Variants in RIMS2 observed in about 807,000 individuals in gnomAD.
RIMS2 encodes the protein regulating synaptic membrane exocytosis protein 2.
Under a neutral mutation model 174.4 loss-of-function variants are expected in RIMS2, and 59 were observed. The observed-to-expected ratio is 0.34, with a 90% CI of 0.27 to 0.42. The LOEUF (loss-of-function observed/expected upper bound fraction) is 0.42, where lower values mean the gene tolerates loss of function less well. Among genes scored for constraint, RIMS2 ranks in the 10% least tolerant of loss-of-function variants. The probability of loss-of-function intolerance (pLI) is 1.00; values close to 1 mark genes in which losing one functional copy is unlikely to be tolerated. For missense variants in RIMS2, 1,620 were observed against 1,666.3 expected, an observed-to-expected ratio of 0.97 and a Z score of 0.48; for synonymous variants, 606 against 572.5, an observed-to-expected ratio of 1.06 and a Z score of -0.84.
intron 3 of RIMS2, among the ~76,000 whole-genome samples, chr8:103,803,183 A>G (rs529272716): frequency 6.6e-6 from 1 of 152,256 alleles, no homozygotes; most frequent in Non-Finnish European, 1.5e-5. Flanking sequence ...AGTTTTATAA[A>G]AATAATTATT....
At chr8:104,117,357 T>A (rs560544864) in intron 19 of RIMS2, among the ~76,000 whole-genome samples, 1 of 152,272 alleles carries the variant, frequency 6.6e-6, no homozygotes, top group Non-Finnish European at 1.5e-5. Context: ...CTTTAAAATT[T>A]ATATAAGAAT....
At chr8:104,050,589 GT>G (rs1351725580) in intron 19 of RIMS2, among the ~76,000 whole-genome samples, 3 of 152,082 alleles carry the variant, frequency 2.0e-5, no homozygotes, top group African/African-American at 7.2e-5. Context: ...GGGAATTAAA[GT>G]TTAGAAAAGG....
chr8:103,822,760 G>A (rs1239136456), intron 3 of RIMS2, among the ~76,000 whole-genome samples: 1 of 151,786 alleles, frequency 6.6e-6, no homozygotes, highest in African/African-American at 2.4e-5. Flanking sequence ...TTGATGAAAT[G>A]CCACTTTAGT....
At chr8:103,530,145 G>A (rs1211887537) in intron 1 of RIMS2, among the ~76,000 whole-genome samples, 2 of 152,182 alleles carry the variant, frequency 1.3e-5, no homozygotes, top group African/African-American at 2.4e-5. Context: ...TGTTGGGACA[G>A]TATAAATGGT....
chr8:103,987,780 C>A (rs1463928240), intron 16 of RIMS2, among the ~76,000 whole-genome samples: 1 of 152,036 alleles, frequency 6.6e-6, no homozygotes, highest in African/African-American at 2.4e-5. Context: ...AAGTAGCTGT[C>A]CATAGATCAA....
intron 3 of RIMS2, among the ~76,000 whole-genome samples, chr8:103,803,036 A>G (rs1157862675): frequency 3.9e-5 from 6 of 152,100 alleles, no homozygotes; most frequent in African/African-American, 1.4e-4. Flanking sequence ...ATGTACTTAT[A>G]TTCTCTGCCT....
intron 1 of RIMS2, among the ~76,000 whole-genome samples, chr8:103,509,805 A>G (rs1825577994): frequency 6.6e-6 from 1 of 152,122 alleles, no homozygotes; most frequent in Non-Finnish European, 1.5e-5. Flanking sequence ...GATAGTATAA[A>G]TTAATTGGTC....
chr8:103,773,687 G>T (rs1033558264), intron 3 of RIMS2, among the ~76,000 whole-genome samples: 12 of 151,940 alleles, frequency 7.9e-5, no homozygotes, highest in African/African-American at 2.7e-4. Flanking sequence ...CTGAGATGGC[G>T]CCATTGCACT....
intron 1 of RIMS2, among the ~76,000 whole-genome samples, chr8:103,632,137 T>C (rs2135239477): frequency 6.6e-6 from 1 of 152,310 alleles, no homozygotes; most frequent in African/African-American, 2.4e-5. Flanking sequence ...GCCTGATTTC[T>C]GTAGCTAGGA....
At chr8:103,823,226 TA>T (rs2098764540) in intron 3 of RIMS2, among the ~76,000 whole-genome samples, 1 of 151,964 alleles carries the variant, frequency 6.6e-6, no homozygotes, top group South Asian at 2.1e-4. Context: ...GAGTAGATAT[TA>T]AAAACAGTCT....
chr8:104,200,075 T>C (rs1456002885), intron 19 of RIMS2, among the ~76,000 whole-genome samples: 1 of 152,076 alleles, frequency 6.6e-6, no homozygotes, highest in Admixed American at 6.5e-5. Flanking sequence ...CCCCAGGATA[T>C]AGGAATGGTC....
chr8:103,754,367 A>G (rs2097946306), intron 2 of RIMS2, among the ~76,000 whole-genome samples: 1 of 152,156 alleles, frequency 6.6e-6, no homozygotes, highest in African/African-American at 2.4e-5. Flanking sequence ...TCAGTTTTAG[A>G]ATAAGTGCGT....
intron 3 of RIMS2, among the ~76,000 whole-genome samples, chr8:103,790,607 T>A (rs1232018331): frequency 6.6e-6 from 1 of 152,174 alleles, no homozygotes; most frequent in Non-Finnish European, 1.5e-5. Context: ...TTGTCTGTAT[T>A]TTTATTATAA....
chr8:103,949,085 C>G (rs183151805), intron 14 of RIMS2, among the ~76,000 whole-genome samples: 4 of 132,498 alleles, frequency 3.0e-5, no homozygotes, highest in African/African-American at 1.2e-4. Flanking sequence ...CATGATCACA[C>G]CACTACACTC....
At chr8:103,944,298 T>C (rs890033325) in intron 14 of RIMS2, among the ~76,000 whole-genome samples, 2 of 152,116 alleles carry the variant, frequency 1.3e-5, no homozygotes, top group Non-Finnish European at 2.9e-5. Flanking sequence ...GTATGTAAAT[T>C]AATTTTATTC....
At chr8:104,058,828 C>A (rs1489961826) in intron 19 of RIMS2, among the ~76,000 whole-genome samples, 2 of 152,174 alleles carry the variant, frequency 1.3e-5, no homozygotes, top group African/African-American at 2.4e-5. Flanking sequence ...AATAGGGAAT[C>A]CTTTCCCCAT....
chr8:104,208,055 C>T (rs1315035958), intron 19 of RIMS2, among the ~76,000 whole-genome samples: 7 of 151,976 alleles, frequency 4.6e-5, no homozygotes, highest in Non-Finnish European at 7.4e-5. Flanking sequence ...AAGCATGAGC[C>T]ACCATGACCA....
chr8:103,556,434 A>G (rs765644487), intron 1 of RIMS2, among the ~76,000 whole-genome samples: 3 of 152,194 alleles, frequency 2.0e-5, no homozygotes, highest in Non-Finnish European at 4.4e-5. Flanking sequence ...TTTACAAGTT[A>G]TCTCATCTTA....
chr8:104,057,063 C>CTTTTTTTT (rs749665730), intron 19 of RIMS2, among the ~76,000 whole-genome samples: 6 of 135,418 alleles, frequency 4.4e-5, no homozygotes, highest in Non-Finnish European at 6.4e-5. Context: ...TTTTCTTTTT[C>CTTTTTTTT]TTTTTTTTTT....
Sources: allele counts gnomAD v4.1 joint callset (sites outside exome capture counted in the v4.1 genomes callset), GRCh38; gene constraint gnomAD v4.1.1; transcripts MANE v1.5; gene names NCBI Gene and HGNC (gene_info 2026-07-23, HGNC 2026-07-21).